Variants in MYRF observed in about 807,000 individuals in gnomAD.
The protein encoded by MYRF is myelin gene regulatory factor.
A neutral mutation model predicts 126.3 loss-of-function variants in MYRF; 16 were observed. That is an observed-to-expected ratio of 0.13 (90% CI 0.09 to 0.19). MYRF has a LOEUF of 0.19. MYRF is among the 10% of genes least tolerant of loss of function. The pLI is 1.00. For synonymous variants in MYRF, 608 were observed against 635.3 expected (o/e 0.96, Z 0.65); for missense variants, 1,104 against 1,547.0 (o/e 0.71, Z 4.80).
chr11:61,783,523 C>G lies in MYRF; in HGVS notation c.3042C>G (p.Pro1014=), dbSNP rs1029730518. 2 of 1,613,710 alleles carry G rather than the reference C, an allele frequency of 1.2e-6. No individual in the cohort carries two copies. Among genetic ancestry groups the G allele is most frequent in the African/African-American group, 2.7e-5 (2 of 74,924 alleles). ...CCTCTCTCCTTGCAGAGCCAGTGCCCTCCCTGACCTCCATCCAGGTGCTGG... is the reference window on the plus strand; with the variant it reads ...CCTCTCTCCTTGCAGAGCCAGTGCCGTCCCTGACCTCCATCCAGGTGCTGG... ...QSASLLAEPV[P]SLTSIQVLEN... The change falls in exon 23 of 27, where the codon CCC becomes CCG. Residue 1014 remains proline, a synonymous_variant. Coordinates refer to ENST00000278836, the MANE Select transcript of MYRF (RefSeq NM_001127392.3). This position sits in a 1 kb window ranked among gnomAD's most constrained non-coding sequence, Gnocchi z 4.6.
intron 22 of MYRF, 149 bp downstream of exon 22, chr11:61,781,973 C>A: frequency 1.0e-6 from 1 of 977,626 alleles, no homozygotes; most frequent in Non-Finnish European, 1.4e-6. Context: ...AGGAATCAGG[C>A]CTGCAGCCTT....
At chr11:61,756,937 C>T (rs576825103) in intron 1 of MYRF, 2 of 348,644 alleles carry the variant, frequency 5.7e-6, no homozygotes, top group South Asian at 4.3e-5. Flanking sequence ...GCCCTGGCAG[C>T]AGAGGCTGCT....
chr11:61,769,910 C>T (rs536299458), intron 4 of MYRF, among the ~76,000 whole-genome samples: 1 of 152,132 alleles, frequency 6.6e-6, no homozygotes, highest in South Asian at 2.1e-4. Flanking sequence ...TCTCCGGAGA[C>T]GCCTTCCTGA....
At chr11:61,785,919 G>C (rs1346177728) in intron 26 of MYRF, 45 bp downstream of exon 26, 1 of 1,593,718 alleles carries the variant, frequency 6.3e-7, no homozygotes, top group Non-Finnish European at 8.6e-7. Context: ...GGGCACCCCT[G>C]TCTGCGACGT....
intron 1 of MYRF, among the ~76,000 whole-genome samples, chr11:61,759,723 C>T (rs73487411): frequency 2.6e-4 from 39 of 152,078 alleles, no homozygotes; most frequent in African/African-American, 9.4e-4. Flanking sequence ...CCTGTGGGGG[C>T]TCTTCTGCAT....
chr11:61,781,749 C>T lies in MYRF; in HGVS notation c.2941C>T (p.His981Tyr). The T allele has an allele frequency of 1.2e-6, 2 of 1,611,982 alleles. No individual in the cohort carries two copies. Among genetic ancestry groups the T allele is most frequent in the South Asian group, 2.2e-5 (2 of 90,990 alleles). ...KAKNSPSLGF[H>Y]GRARRGALQS... is the part of the protein sequence containing the mutation. ...CAAGAACAGTCCCAGCCTTGGTTTC[C>T]ATGGCCGGGCCCGCCGAGGGGCCCT... Residue 981 changes from histidine to tyrosine, a missense_variant, in exon 22 of 27, where the codon CAT becomes TAT. By Grantham distance (83) the His-to-Tyr change is moderately conservative (BLOSUM62 2). Coordinates refer to ENST00000278836, the MANE Select transcript of MYRF (RefSeq NM_001127392.3).
At chr11:61,769,466 T>A in intron 4 of MYRF, 145 bp downstream of exon 4, 1 of 666,782 alleles carries the variant, frequency 1.5e-6, no homozygotes, top group Non-Finnish European at 2.6e-6. Flanking sequence ...CCCTGGCGCT[T>A]GGCTATTGTT....
At chr11:61,780,859 C>G in intron 19 of MYRF, 67 bp downstream of exon 19, 2 of 1,574,736 alleles carry the variant, frequency 1.3e-6, no homozygotes, top group Non-Finnish European at 8.6e-7. Flanking sequence ...CCTCCCCTCC[C>G]TCTCTGCCTC....
chr11:61,784,975 T>G (rs561198170), intron 25 of MYRF: 1 of 152,922 alleles, frequency 6.5e-6, no homozygotes, highest in East Asian at 1.9e-4. Context: ...AGTGATTATT[T>G]TTTCTTGCCC....
rs1041733732 is a variant in MYRF at position 61,776,665 on chromosome 11, G to T, written c.1500-122G>T. 4.7e-6 allele frequency: 4 copies of T among 849,580 alleles called. No individual in the cohort carries two copies. Among genetic ancestry groups the T allele is most frequent in the Non-Finnish European group, 7.2e-6 (4 of 552,006 alleles). The allele number at this position is 849,580 out of a possible 1,614,324, so 52.6% of individuals were successfully genotyped here. A position where few individuals can be genotyped will look rare whatever the true frequency, so the allele number is the denominator to read the frequency against. On this transcript the variant is annotated intron_variant, in intron 10 of 26. Coordinates refer to ENST00000278836, the MANE Select transcript of MYRF (RefSeq NM_001127392.3). The surrounding 1 kb of genome is among the most constrained non-coding windows in gnomAD (Gnocchi z 4.3). ...GGCCCTGGGGAATTTCTGCCCCCTG[G>T]TGGAGGCTCGGGTTCCTCCTCTGTA...
Position 61,765,950 on chromosome 11 carries a change from C to T in MYRF, c.135-8C>T, listed in dbSNP as rs750888414. ...TGGCTGGAGCTGAGCCGCCCCCCTT[C>T]CCCGCAGCTGCTTCCCTGACATCTC... On this transcript the variant is annotated splice_region_variant and splice_polypyrimidine_tract_variant and intron_variant, in intron 2 of 26. Transcript: ENST00000278836. 34 of 1,494,032 alleles carry T rather than the reference C, an allele frequency of 2.3e-5. No individual in the cohort carries two copies. The African/African-American group carries it at 2.6e-4, about 12-fold the overall frequency. 92.5% of individuals were successfully genotyped at this position (1,494,032 alleles called of 1,614,324 possible). A position where few individuals can be genotyped will look rare whatever the true frequency, so the allele number is the denominator to read the frequency against.
At chr11:61,780,671 C>A in intron 18 of MYRF, 41 bp from the exon 19 acceptor site, 1 of 1,532,850 alleles carries the variant, frequency 6.5e-7, no homozygotes. Flanking sequence ...CTTCTCTTCC[C>A]CTTTGCCTGT....
intron 22 of MYRF, 118 bp downstream of exon 22, chr11:61,781,942 G>C: frequency 7.9e-7 from 1 of 1,260,518 alleles, no homozygotes; most frequent in South Asian, 1.6e-5. Context: ...ATAGACGTTT[G>C]CTGAGCACAG....
At position 61,786,423 on chromosome 11, in the gene MYRF, T is replaced by C. The variant is rs1474258243; in HGVS notation, c.*280T>C. The stretch of plus-strand genomic sequence containing the variant: ...CAGGACCAGTTTACCTCTTTCCAGA[T>C]ATGGTGGTTGGAGGGCTGGTTCAGG... On this transcript the variant is annotated 3_prime_UTR_variant, in exon 27 of 27. Transcript: ENST00000278836. The surrounding 1 kb of genome is among the most constrained non-coding windows in gnomAD (Gnocchi z 4.5). 1 of 472,686 alleles carries C rather than the reference T, an allele frequency of 2.1e-6. No individual in the cohort carries two copies. Among genetic ancestry groups the C allele is most frequent in the East Asian group, 3.7e-5 (1 of 27,062 alleles). The allele number at this position is 472,686 out of a possible 1,614,324, so 29.3% of individuals were successfully genotyped here. A position where few individuals can be genotyped will look rare whatever the true frequency, so the allele number is the denominator to read the frequency against.
At chr11:61,775,856 G>A (rs950354939) in intron 8 of MYRF, among the ~76,000 whole-genome samples, 200 bp from the exon 9 acceptor site, 1 of 151,904 alleles carries the variant, frequency 6.6e-6, no homozygotes, top group Admixed American at 6.6e-5. Context: ...GGGGTGAGGA[G>A]GGTGTGGGTG....
At chr11:61,769,441 C>G in intron 4 of MYRF, 120 bp downstream of exon 4, 2 of 754,090 alleles carry the variant, frequency 2.7e-6, no homozygotes, top group Non-Finnish European at 4.5e-6. Context: ...CTGAGATTAT[C>G]GCTGGTCAAA....
chr11:61,765,792 G>A (rs938342854), intron 2 of MYRF, 80 bp downstream of exon 2: 138 of 1,479,446 alleles, frequency 9.3e-5, no homozygotes, highest in Non-Finnish European at 1.2e-4. Flanking sequence ...AGGTCTGAGG[G>A]CCGGACCTGG....
At position 61,780,306 on chromosome 11, in the gene MYRF, C is replaced by T. The variant is rs1489801971; in HGVS notation, c.2405+16C>T. On this transcript the variant is annotated intron_variant, in intron 18 of 26. Coordinates refer to ENST00000278836, the MANE Select transcript of MYRF (RefSeq NM_001127392.3). Reference sequence around the variant, plus strand: ...ACACTGATGGGTAGGTTCCTGGAGGCCAAGCCAAGCTGCCAGGCCAGGTGG... The same window carrying T: ...ACACTGATGGGTAGGTTCCTGGAGGTCAAGCCAAGCTGCCAGGCCAGGTGG... 1.2e-6 allele frequency: 2 copies of T among 1,606,250 alleles called. No homozygotes were observed. The highest frequency in any genetic ancestry group is 2.2e-5 in the South Asian group (2 of 89,906).
At position 61,753,678 on chromosome 11, in the gene MYRF, G is replaced by A. The variant is rs905642998; in HGVS notation, c.46+888G>A. ...CACTTGACCGAAAGGAGCCCTCTGG[G>A]GTGGAATTGACATACACCCCATAAT... is the stretch of plus-strand genomic sequence containing the variant. On this transcript the variant is annotated intron_variant, in intron 1 of 26. Coordinates refer to ENST00000278836, the MANE Select transcript of MYRF (RefSeq NM_001127392.3). 2.0e-5 allele frequency among the ~76,000 whole-genome samples: 3 copies of A among 151,664 alleles called. No individual in the cohort carries two copies. The East Asian group carries it at 5.8e-4, about 29-fold the overall frequency.
Sources: gnomAD v4.1 joint callset for allele counts (sites outside exome capture counted in the v4.1 genomes callset) on GRCh38, gnomAD v4.1.1 for gene constraint, Gnocchi (gnomAD v3.1) non-coding constraint, MANE v1.5 for transcripts, NCBI Gene and HGNC (gene_info 2026-07-23, HGNC 2026-07-21) for gene names.